Variants in PLAGL1 observed in about 807,000 individuals in gnomAD.
PLAGL1 encodes the protein zinc finger protein PLAGL1.
A neutral mutation model predicts 4.6 loss-of-function variants in PLAGL1; 1 was observed. The ratio of observed to expected loss-of-function variants is 0.22; its 90% CI spans 0.08 to 1.03. The LOEUF (loss-of-function observed/expected upper bound fraction) is 1.03. Ranked by LOEUF, PLAGL1 falls within the 50% of genes least tolerant of loss-of-function variation. The probability of loss-of-function intolerance (pLI) is 0.58; values close to 1 mark genes in which losing one functional copy is unlikely to be tolerated. For synonymous variants in PLAGL1, 240 were observed against 237.8 expected, an observed-to-expected ratio of 1.01 and a Z score of -0.08; for missense variants, 464 against 570.4, an observed-to-expected ratio of 0.81 and a Z score of 1.90.
intron 1 of PLAGL1, among the ~76,000 whole-genome samples, chr6:144,054,337 T>C (rs1275941347): frequency 6.6e-6 from 1 of 152,146 alleles, no homozygotes; most frequent in Non-Finnish European, 1.5e-5. Context: ...AGCAAAGACA[T>C]AGAACCAACC....
rs1391704218 is a variant in PLAGL1, at chr6:144,006,168, T to C, written c.-584+1922A>G. 6.6e-6 allele frequency: 1 copy of C among 152,144 alleles called. No homozygotes were observed. The highest frequency in any genetic ancestry group is 1.9e-4 in the East Asian group (1 of 5,206). The allele number at this position is 152,144 out of a possible 1,614,324, so 9.4% of individuals were successfully genotyped here. ...ACCATGGAATTTATGAAATAAAACA[T>C]TACTGATAAATTCCCTAGGTACTCC... On this transcript the variant is annotated intron_variant, in intron 1 of 7. Coordinates refer to ENST00000674357, the MANE Select transcript of PLAGL1 (RefSeq NM_001317162.2). The surrounding 1 kb of genome is among the most constrained non-coding windows in gnomAD (Gnocchi z 4.3).
Position 143,948,012 on chromosome 6 carries a change from G to T in PLAGL1, c.125C>A (p.Ala42Asp). The T allele has an allele frequency of 6.2e-7, 1 of 1,614,084 alleles. No homozygotes were observed. The highest frequency in any genetic ancestry group is 8.5e-7 in the Non-Finnish European group (1 of 1,179,968). The change falls in exon 7 of 8, where the codon GCC (alanine) becomes GAC (aspartate). Residue 42 changes from alanine (A) to aspartate (D), a missense_variant. This residue lies in a region of PLAGL1 where 161 missense variants were observed against 196.7 expected (regional missense o/e 0.82). Transcript: ENST00000674357. The surrounding 1 kb of genome is among the most constrained non-coding windows in gnomAD (Gnocchi z 6.0). ...YKCVQPDCGK[A>D]FVSRYKLMRH... ...CATCAATTTATATCTGGAAACAAAG[G>T]CTTTGCCACAGTCAGGCTGCACACA...
chr6:143,949,114 C>T lies in PLAGL1; in HGVS notation c.-324-654G>A, dbSNP rs1780460592. Among the ~76,000 whole-genome samples, 1 of 152,182 alleles carries T rather than the reference C, an allele frequency of 6.6e-6. No homozygotes were observed. The highest frequency in any genetic ancestry group is 2.4e-5 in the African/African-American group (1 of 41,436). ...CAGGCCACGTTCAGATTTGTAGGCA[C>T]CATCCTCTAGTAAGTTCTACTAATC... is the stretch of plus-strand genomic sequence containing the variant. On this transcript the variant is annotated intron_variant, in intron 6 of 7. Transcript: ENST00000674357. This position sits in a 1 kb window ranked among gnomAD's most constrained non-coding sequence, Gnocchi z 5.3.
chr6:144,011,147 C>G (rs1795152868), upstream of PLAGL1, among the ~76,000 whole-genome samples: 1 of 152,178 alleles, frequency 6.6e-6, no homozygotes. The surrounding 1 kb of genome is among the most constrained non-coding windows in gnomAD (Gnocchi z 4.3). Flanking sequence ...CCAAAAGAAA[C>G]TATCATCAGA....
intron 1 of PLAGL1, among the ~76,000 whole-genome samples, chr6:144,029,126 G>A (rs1328722489): frequency 2.6e-5 from 4 of 152,204 alleles, no homozygotes; most frequent in African/African-American, 4.8e-5. Flanking sequence ...CACAAGTAAA[G>A]CACCATTCTT....
chr6:143,985,695 T>C lies in PLAGL1; in HGVS notation c.-583-521A>G, dbSNP rs1276948273. Among the ~76,000 whole-genome samples the C allele has an allele frequency of 1.3e-5, 2 of 151,912 alleles. No homozygotes were observed. The highest frequency in any genetic ancestry group is 2.9e-5 in the Non-Finnish European group (2 of 67,984). ...TACTTTTAGTTTTCTGCATTAAAGG[T>C]TTAGTTTAAGGAATACCTTCTCCAG... On this transcript the variant is annotated intron_variant, in intron 1 of 7. Coordinates refer to ENST00000674357, the MANE Select transcript of PLAGL1 (RefSeq NM_001317162.2). This position sits in a 1 kb window ranked among gnomAD's most constrained non-coding sequence, Gnocchi z 4.4.
In PLAGL1 at chr6:143,955,496, G is replaced by A. The variant is rs1025651042; in HGVS notation, c.-325+4973C>T. Among the ~76,000 whole-genome samples the A allele has an allele frequency of 1.4e-4, 22 of 152,152 alleles. No homozygotes were observed. The highest frequency in any genetic ancestry group is 9.7e-5 in the African/African-American group (4 of 41,440). On this transcript the variant is annotated intron_variant, in intron 6 of 7. Coordinates refer to ENST00000674357, the MANE Select transcript of PLAGL1 (RefSeq NM_001317162.2). The surrounding 1 kb of genome is among the most constrained non-coding windows in gnomAD (Gnocchi z 4.9). Reference sequence around the variant, plus strand: ...TATGTGGAGATGCAGTGAGGAGGGCGGGAAGAGAAGAGGTAGAAATAGGTA... The same window carrying A: ...TATGTGGAGATGCAGTGAGGAGGGCAGGAAGAGAAGAGGTAGAAATAGGTA...
rs1014276998 is a variant in PLAGL1, at chr6:143,985,208, T to C, written c.-583-34A>G. On this transcript the variant is annotated intron_variant, in intron 1 of 7. Transcript: ENST00000674357. This position sits in a 1 kb window ranked among gnomAD's most constrained non-coding sequence, Gnocchi z 4.4. ...AAAAATAAAAATTACTAGTTTTGTA[T>C]AATATTTGCACATGCATTTGTTAAT... The C allele has an allele frequency of 6.6e-6, 1 of 152,220 alleles. No homozygotes were observed. Among genetic ancestry groups the C allele is most frequent in the East Asian group, 1.9e-4 (1 of 5,202 alleles). 9.4% of individuals were successfully genotyped at this position (152,220 alleles called of 1,614,324 possible).
chr6:144,033,291 G>C (rs367975760), intron 1 of PLAGL1, among the ~76,000 whole-genome samples: 8 of 152,328 alleles, frequency 5.3e-5, no homozygotes, highest in Admixed American at 1.3e-4. Flanking sequence ...TACAGACCTA[G>C]GGCATAATAA....
At position 143,973,310 on chromosome 6, in the gene PLAGL1, T is replaced by C. The variant is rs1191782030; in HGVS notation, c.-543-4332A>G. 1.3e-5 allele frequency among the ~76,000 whole-genome samples: 2 copies of C among 152,180 alleles called. No homozygotes were observed. The highest frequency in any genetic ancestry group is 2.9e-5 in the Non-Finnish European group (2 of 68,032). On this transcript the variant is annotated intron_variant, in intron 2 of 7. Coordinates refer to ENST00000674357, the MANE Select transcript of PLAGL1 (RefSeq NM_001317162.2). The surrounding 1 kb of genome is among the most constrained non-coding windows in gnomAD (Gnocchi z 6.2). Reference sequence around the variant, plus strand: ...CCCAGACAAACAGCGACAGGTTTCCTTGAGACAAGGAGAGGGCTCAGCAGA... The same window carrying C: ...CCCAGACAAACAGCGACAGGTTTCCCTGAGACAAGGAGAGGGCTCAGCAGA...
rs1484844323 is a variant in PLAGL1 at position 143,997,170 on chromosome 6, T to C, written c.-584+10920A>G. Among the ~76,000 whole-genome samples the C allele has an allele frequency of 6.6e-6, 1 of 152,198 alleles. No homozygotes were observed. The highest frequency in any genetic ancestry group is 6.5e-5 in the Admixed American group (1 of 15,282). On this transcript the variant is annotated intron_variant, in intron 1 of 7. Coordinates refer to ENST00000674357, the MANE Select transcript of PLAGL1 (RefSeq NM_001317162.2). This position sits in a 1 kb window ranked among gnomAD's most constrained non-coding sequence, Gnocchi z 4.6. Reference sequence around the variant, plus strand: ...AGCGAAAAAGACTAATATCAAGTGCTGATGAAAATGTGCACTCCAACTACA... The same window carrying C: ...AGCGAAAAAGACTAATATCAAGTGCCGATGAAAATGTGCACTCCAACTACA...
chr6:143,991,699 C>T (rs957662189), intron 1 of PLAGL1, among the ~76,000 whole-genome samples: 12 of 152,240 alleles, frequency 7.9e-5, no homozygotes, highest in Non-Finnish European at 1.8e-4. Context: ...TACACTCCCT[C>T]TCCTAGGCTA....
chr6:143,944,653 G>T (rs542115881), intron 7 of PLAGL1, among the ~76,000 whole-genome samples: 1 of 152,258 alleles, frequency 6.6e-6, no homozygotes, highest in African/African-American at 2.4e-5. Flanking sequence ...ACAGGTTGGA[G>T]AAAGGGTTTT....
rs879698983 is a variant in PLAGL1, at chr6:143,989,318, G to C, written c.-583-4144C>G. Among the ~76,000 whole-genome samples the C allele has an allele frequency of 2.6e-5, 4 of 152,192 alleles. No individual in the cohort carries two copies. The highest frequency in any genetic ancestry group is 5.9e-5 in the Non-Finnish European group (4 of 68,036). Reference sequence around the variant, plus strand: ...CAACGTGACTGTGCCACAAGTGCCAGGTTAAACATTATTTCTGGCTACGTC... The same window carrying C: ...CAACGTGACTGTGCCACAAGTGCCACGTTAAACATTATTTCTGGCTACGTC... On this transcript the variant is annotated intron_variant, in intron 1 of 7. Coordinates refer to ENST00000674357, the MANE Select transcript of PLAGL1 (RefSeq NM_001317162.2). The surrounding 1 kb of genome is among the most constrained non-coding windows in gnomAD (Gnocchi z 4.8).
rs1455504507 is a variant in PLAGL1, at chr6:143,953,723, C to A, written c.-324-5263G>T. ...GGAAGCTGAAAAGCAGGTAAACAAG[C>A]AGTGATCGACTTGGCCATCCTAAGA... On this transcript the variant is annotated intron_variant, in intron 6 of 7. Coordinates refer to ENST00000674357, the MANE Select transcript of PLAGL1 (RefSeq NM_001317162.2). This position sits in a 1 kb window ranked among gnomAD's most constrained non-coding sequence, Gnocchi z 5.3. 6.6e-6 allele frequency among the ~76,000 whole-genome samples: 1 copy of A among 152,170 alleles called. No homozygotes were observed. The highest frequency in any genetic ancestry group is 2.4e-5 in the African/African-American group (1 of 41,434).
chr6:144,032,121 A>ATTTTT (rs111598351), intron 1 of PLAGL1, among the ~76,000 whole-genome samples: 9 of 142,372 alleles, frequency 6.3e-5, no homozygotes, highest in Admixed American at 6.3e-4. Flanking sequence ...AACTTATTGC[A>ATTTTT]TTTTTTTTTT....
intron 7 of PLAGL1, among the ~76,000 whole-genome samples, chr6:143,943,186 G>GT (rs1562374537): frequency 6.7e-6 from 1 of 149,496 alleles, no homozygotes; most frequent in Non-Finnish European, 1.5e-5. Flanking sequence ...AAGAGAACAT[G>GT]TTTTTTTAAT....
chr6:144,007,298 G>T (rs1021651556), intron 1 of PLAGL1: 2 of 152,188 alleles, frequency 1.3e-5, no homozygotes, highest in African/African-American at 4.8e-5. Context: ...GGGGCTGCGG[G>T]GGAGGACTTA....
chr6:144,026,149 T>C (rs1796325092), intron 1 of PLAGL1, among the ~76,000 whole-genome samples: 1 of 152,208 alleles, frequency 6.6e-6, no homozygotes, highest in Non-Finnish European at 1.5e-5. Context: ...ATCCAACTTA[T>C]ATAATAAAAG....
Sources: gnomAD v4.1 joint callset for allele counts (sites outside exome capture counted in the v4.1 genomes callset) on GRCh38, gnomAD v4.1.1 for gene constraint, gnomAD v4.1.1 regional missense constraint, Gnocchi (gnomAD v3.1) non-coding constraint, MANE v1.5 for transcripts, NCBI Gene and HGNC (gene_info 2026-07-23, HGNC 2026-07-21) for gene names.